Variants in GAREM1 observed in about 807,000 individuals in gnomAD.
GAREM1 encodes the protein GRB2 associated regulator of MAPK1 subtype 1, also known as GRB2-associated and regulator of MAPK protein 1.
Under a neutral mutation model 71.3 loss-of-function variants are expected in GAREM1, and 26 were observed. The observed-to-expected ratio is 0.36, with a 90% CI of 0.27 to 0.51. GAREM1 has a LOEUF of 0.51. Ranked by LOEUF, GAREM1 falls within the 20% of genes least tolerant of loss-of-function variation. The probability of loss-of-function intolerance (pLI) is 0.95; values close to 1 mark genes in which losing one functional copy is unlikely to be tolerated. For synonymous variants in GAREM1, 440 were observed against 433.2 expected, an observed-to-expected ratio of 1.02 and a Z score of -0.20; for missense variants, 1,026 against 1,103.1, an observed-to-expected ratio of 0.93 and a Z score of 0.99.
chr18:32,422,517 A>G (rs1388709326), intron 1 of GAREM1, among the ~76,000 whole-genome samples: 1 of 152,312 alleles, frequency 6.6e-6, no homozygotes, highest in South Asian at 2.1e-4. Context: ...ATGATGCTCA[A>G]TGTATGTTTC....
rs920528205 is a variant in GAREM1, at chr18:32,442,647, T to A, written c.121+27661A>T. Among the ~76,000 whole-genome samples, 5 of 152,192 alleles carry A rather than the reference T, an allele frequency of 3.3e-5. No individual in the cohort carries two copies. The East Asian group carries it at 9.6e-4, about 29-fold the overall frequency. On this transcript the variant is annotated intron_variant, in intron 1 of 5. Transcript: ENST00000269209. ...TCAACTTTAATATGTATGTTAACTT[T>A]CAGCACTTACAGCATATGGGATGTG...
chr18:32,432,472 A>C (rs2048633288), intron 1 of GAREM1, among the ~76,000 whole-genome samples: 2 of 152,214 alleles, frequency 1.3e-5, no homozygotes, highest in Middle Eastern at 3.4e-3. Flanking sequence ...ATGTTTAAAA[A>C]TAGAAAAACA....
chr18:32,335,485 A>G (rs1214588406), intron 2 of GAREM1, among the ~76,000 whole-genome samples: 1 of 152,184 alleles, frequency 6.6e-6, no homozygotes, highest in Admixed American at 6.5e-5. Context: ...CTGGGAGCTA[A>G]TCACCATGGG....
chr18:32,364,009 T>C (rs866504132), intron 2 of GAREM1, among the ~76,000 whole-genome samples: 46 of 50,520 alleles, frequency 9.1e-4, no homozygotes, highest in African/African-American at 4.7e-3. Flanking sequence ...TATATATATA[T>C]ATATATATAT....
At chr18:32,426,661 T>C (rs976374060) in intron 1 of GAREM1, among the ~76,000 whole-genome samples, 5 of 152,190 alleles carry the variant, frequency 3.3e-5, no homozygotes, top group Admixed American at 2.0e-4. Flanking sequence ...CACAATTCAA[T>C]CAACTCCACC....
At chr18:32,306,717 A>G (rs1037397246) in intron 3 of GAREM1, among the ~76,000 whole-genome samples, 1 of 152,044 alleles carries the variant, frequency 6.6e-6, no homozygotes. Flanking sequence ...TGATATCTCT[A>G]CTTGGAGGTA....
At chr18:32,370,505 TAAGTC>T (rs1282105278) in intron 2 of GAREM1, among the ~76,000 whole-genome samples, 2 of 152,232 alleles carry the variant, frequency 1.3e-5, no homozygotes, top group Non-Finnish European at 2.9e-5. Context: ...CTAAATTATT[TAAGTC>T]AATATTCTTT....
chr18:32,284,233 T>A (rs77826728), intron 4 of GAREM1, among the ~76,000 whole-genome samples: 1,852 of 152,010 alleles, frequency 0.012, 21 homozygotes, highest in African/African-American at 0.025. Flanking sequence ...CTAATTTTTT[T>A]AAAAAAAACA....
chr18:32,359,768 T>C (rs973310047), intron 2 of GAREM1, among the ~76,000 whole-genome samples: 3 of 152,032 alleles, frequency 2.0e-5, no homozygotes, highest in Admixed American at 6.5e-5. Context: ...AAAAAGTTTT[T>C]TTAAAAAATT....
chr18:32,342,317 T>C (rs954551377), intron 2 of GAREM1, among the ~76,000 whole-genome samples: 5 of 152,152 alleles, frequency 3.3e-5, no homozygotes, highest in Admixed American at 2.0e-4. Context: ...TCCTTTGAAA[T>C]GACCCGCCCT....
At chr18:32,365,178 G>A (rs184100679) in intron 2 of GAREM1, among the ~76,000 whole-genome samples, 75 of 152,224 alleles carry the variant, frequency 4.9e-4, no homozygotes, top group African/African-American at 1.7e-3. Flanking sequence ...AAGAACACTG[G>A]TTCAGAACAA....
intron 4 of GAREM1, among the ~76,000 whole-genome samples, chr18:32,276,851 G>T (rs2041549611): frequency 6.6e-6 from 1 of 152,150 alleles, no homozygotes; most frequent in Non-Finnish European, 1.5e-5. Context: ...CAGATGAGAA[G>T]TGAAGAAGGC....
chr18:32,362,985 A>G (rs1440807613), intron 2 of GAREM1, among the ~76,000 whole-genome samples: 3 of 152,210 alleles, frequency 2.0e-5, no homozygotes, highest in Non-Finnish European at 4.4e-5. Flanking sequence ...ATACCTTTAT[A>G]TCCGAATTCA....
intron 2 of GAREM1, among the ~76,000 whole-genome samples, chr18:32,367,777 T>TA (rs981629276): frequency 8.6e-5 from 13 of 151,834 alleles, no homozygotes; most frequent in Non-Finnish European, 1.9e-4. Context: ...AACAGGGAGA[T>TA]AAGGAGGAGA....
chr18:32,266,598 G>T lies in GAREM1; in HGVS notation c.*1273C>A, dbSNP rs1262987874. Reference sequence around the variant, plus strand: ...ATTCTCAGACTAATGTAAAAGTATGGTAATAATGTATTTTCTTTGAAAGAG... The same window carrying T: ...ATTCTCAGACTAATGTAAAAGTATGTTAATAATGTATTTTCTTTGAAAGAG... On this transcript the variant is annotated 3_prime_UTR_variant, in exon 6 of 6. Coordinates refer to ENST00000269209, the MANE Select transcript of GAREM1 (RefSeq NM_001242409.2). 2 of 152,154 alleles carry T rather than the reference G, an allele frequency of 1.3e-5. No individual in the cohort carries two copies. The highest frequency in any genetic ancestry group is 2.4e-5 in the African/African-American group (1 of 41,412). The allele number at this position is 152,154 out of a possible 1,614,324, so 9.4% of individuals were successfully genotyped here.
At chr18:32,363,920 A>ACACACAC (rs1408632288) in intron 2 of GAREM1, among the ~76,000 whole-genome samples, 3 of 146,660 alleles carry the variant, frequency 2.0e-5, no homozygotes, top group African/African-American at 7.5e-5. Context: ...ACACACACAT[A>ACACACAC]AAAAAATATA....
At chr18:32,313,983 A>C (rs565129804) in intron 2 of GAREM1, among the ~76,000 whole-genome samples, 5 of 152,166 alleles carry the variant, frequency 3.3e-5, no homozygotes, top group Non-Finnish European at 7.4e-5. Flanking sequence ...ATGAACCTAG[A>C]CATGAAAGAA....
intron 2 of GAREM1, among the ~76,000 whole-genome samples, chr18:32,340,234 G>T (rs2047635105): frequency 6.6e-6 from 1 of 152,172 alleles, no homozygotes; most frequent in African/African-American, 2.4e-5. Context: ...GACAGTCATG[G>T]CCTCTTAGAG....
chr18:32,427,150 T>C (rs1057251045), intron 1 of GAREM1, among the ~76,000 whole-genome samples: 5 of 152,152 alleles, frequency 3.3e-5, no homozygotes, highest in African/African-American at 9.7e-5. Flanking sequence ...GCCATATACA[T>C]TTGCACTGCA....
Sources: gnomAD v4.1 joint callset for allele counts (sites outside exome capture counted in the v4.1 genomes callset) on GRCh38, gnomAD v4.1.1 for gene constraint, MANE v1.5 for transcripts, NCBI Gene and HGNC (gene_info 2026-07-23, HGNC 2026-07-21) for gene names.